GPR141: variants seen among roughly 807,000 people sequenced by gnomAD.
GPR141 encodes the protein G protein-coupled receptor 141.
Under a neutral mutation model 6.8 loss-of-function variants are expected in GPR141, and 6 were observed. The observed-to-expected ratio is 0.88, with a 90% CI of 0.48 to 1.74. GPR141 has a LOEUF of 1.74. Ranked by LOEUF, GPR141 falls within the 40% of genes most tolerant of loss-of-function variation. The pLI is 0.01. For missense variants in GPR141, 372 were observed against 372.9 expected, an observed-to-expected ratio of 1.00 and a Z score of 0.02; for synonymous variants, 140 against 142.3, an observed-to-expected ratio of 0.98 and a Z score of 0.11.
chr7:37,732,348 C>T (rs750483069), intron 2 of GPR141, among the ~76,000 whole-genome samples: 4 of 151,798 alleles, frequency 2.6e-5, no homozygotes, highest in Non-Finnish European at 5.9e-5. Context: ...AGCCCCCTCA[C>T]CTTGAGAGTG....
chr7:37,693,927 A>G (rs1259784280), intron 2 of GPR141, among the ~76,000 whole-genome samples: 1 of 152,144 alleles, frequency 6.6e-6, no homozygotes, highest in Non-Finnish European at 1.5e-5. Context: ...AAAGTTCCCA[A>G]GGGGCAATGA....
chr7:37,704,947 C>T (rs1810458851), intron 2 of GPR141, among the ~76,000 whole-genome samples: 1 of 152,144 alleles, frequency 6.6e-6, no homozygotes, highest in Admixed American at 6.6e-5. Context: ...CCGAGGTCAA[C>T]ACTAACTGAC....
At chr7:37,721,861 A>G (rs766095034) in intron 2 of GPR141, among the ~76,000 whole-genome samples, 3 of 152,208 alleles carry the variant, frequency 2.0e-5, no homozygotes, top group Non-Finnish European at 4.4e-5. Flanking sequence ...TACTTGAAGG[A>G]TATATTTTAT....
intron 2 of GPR141, among the ~76,000 whole-genome samples, chr7:37,695,247 A>G (rs1384729088): frequency 6.6e-6 from 1 of 152,128 alleles, no homozygotes; most frequent in Non-Finnish European, 1.5e-5. Flanking sequence ...AACTTCAGGG[A>G]TGAAGAGGCA....
In GPR141 at chr7:37,740,973, G is replaced by T; in HGVS notation, c.580G>T (p.Val194Leu). Residue 194 changes from valine to leucine, a missense_variant, in exon 3 of 3, where the codon GTG becomes TTG. Val to Leu is a conservative substitution (Grantham distance 32). Coordinates refer to ENST00000334425, the MANE Select transcript of GPR141 (RefSeq NM_001381946.1). ...MIVIFVIAVA[V>L]ILLVFQVFII... ...AGTCATTTTTGTCATAGCCGTTGCT[G>T]TGATTCTGTTGGTCTTCCAGGTCTT... 6.2e-7 allele frequency: 1 copy of T among 1,613,608 alleles called. No homozygotes were observed. The highest frequency in any genetic ancestry group is 8.5e-7 in the Non-Finnish European group (1 of 1,179,530).
At chr7:37,700,146 C>T (rs1375134072) in intron 2 of GPR141, among the ~76,000 whole-genome samples, 2 of 152,202 alleles carry the variant, frequency 1.3e-5, no homozygotes, top group Non-Finnish European at 2.9e-5. Flanking sequence ...TCAATTTTTA[C>T]AAATTATTCA....
intron 2 of GPR141, among the ~76,000 whole-genome samples, chr7:37,716,022 C>T (rs1391124381): frequency 2.6e-5 from 4 of 152,086 alleles, no homozygotes; most frequent in Non-Finnish European, 5.9e-5. Context: ...GTCAAGAATC[C>T]CATCCTTGGA....
At chr7:37,690,162 G>A (rs1809690496) in intron 2 of GPR141, among the ~76,000 whole-genome samples, 1 of 151,990 alleles carries the variant, frequency 6.6e-6, no homozygotes, top group Non-Finnish European at 1.5e-5. Context: ...TGGTCATTCA[G>A]GAGCATGTTT....
intron 2 of GPR141, among the ~76,000 whole-genome samples, chr7:37,686,922 G>T (rs1446685213): frequency 6.6e-6 from 1 of 152,152 alleles, no homozygotes; most frequent in Non-Finnish European, 1.5e-5. Context: ...AGTGGAGAGT[G>T]AAATTTTGTT....
At chr7:37,716,244 G>A (rs573748026) in intron 2 of GPR141, among the ~76,000 whole-genome samples, 10 of 152,294 alleles carry the variant, frequency 6.6e-5, no homozygotes, top group Non-Finnish European at 1.0e-4. Flanking sequence ...TGTCCAGGCT[G>A]CCTATAATTT....
chr7:37,719,657 G>A (rs1035545414), intron 2 of GPR141, among the ~76,000 whole-genome samples: 24 of 152,100 alleles, frequency 1.6e-4, no homozygotes, highest in African/African-American at 5.6e-4. Context: ...CTTAGAGTTC[G>A]CCTTGGCCAT....
chr7:37,708,058 A>G (rs1438365571), intron 2 of GPR141, among the ~76,000 whole-genome samples: 8 of 152,162 alleles, frequency 5.3e-5, no homozygotes, highest in Non-Finnish European at 1.0e-4. Context: ...TGGAGTGTAT[A>G]TGACCTCTAA....
intron 2 of GPR141, among the ~76,000 whole-genome samples, chr7:37,718,375 C>T (rs148984089): frequency 4.6e-5 from 7 of 152,078 alleles, no homozygotes; most frequent in East Asian, 1.9e-4. Flanking sequence ...GGCATGGTGG[C>T]GTGTGCCTGT....
intron 2 of GPR141, among the ~76,000 whole-genome samples, chr7:37,740,172 T>C (rs1478745538): frequency 6.6e-6 from 1 of 152,228 alleles, no homozygotes; most frequent in Non-Finnish European, 1.5e-5. Flanking sequence ...CGATTTTTAT[T>C]CCTATTAAAG....
intron 2 of GPR141, among the ~76,000 whole-genome samples, chr7:37,730,949 G>A (rs1811901216): frequency 6.6e-6 from 1 of 152,074 alleles, no homozygotes; most frequent in Admixed American, 6.5e-5. Context: ...CATTCTTTGT[G>A]GGCATCCAAC....
intron 2 of GPR141, 67 bp from the exon 3 acceptor site, chr7:37,740,313 G>A: frequency 1.1e-6 from 1 of 948,006 alleles, no homozygotes. Flanking sequence ...CATTGTCAGT[G>A]CTGTAAAAGA....
chr7:37,740,979 C>A lies in GPR141; in HGVS notation c.586C>A (p.Leu196Met). The change falls in exon 3 of 3, where the codon CTG becomes ATG. Residue 196 changes from leucine (L) to methionine (M), a missense_variant. Transcript: ENST00000334425. ...TTTTGTCATAGCCGTTGCTGTGATTCTGTTGGTCTTCCAGGTCTTCATCAT... is the reference window on the plus strand; with the variant it reads ...TTTTGTCATAGCCGTTGCTGTGATTATGTTGGTCTTCCAGGTCTTCATCAT... ...VIFVIAVAVI[L>M]LVFQVFIIML... is the part of the protein sequence containing the mutation. 6.2e-7 allele frequency: 1 copy of A among 1,613,834 alleles called. No individual in the cohort carries two copies. Among genetic ancestry groups the A allele is most frequent in the Non-Finnish European group, 8.5e-7 (1 of 1,179,766 alleles).
chr7:37,688,293 A>G (rs908609640), intron 2 of GPR141, among the ~76,000 whole-genome samples: 4 of 151,930 alleles, frequency 2.6e-5, no homozygotes, highest in African/African-American at 9.7e-5. Context: ...TGGCTGGGGC[A>G]TGGTGGTACA....
At chr7:37,691,921 C>A (rs964746137) in intron 2 of GPR141, among the ~76,000 whole-genome samples, 4 of 151,984 alleles carry the variant, frequency 2.6e-5, no homozygotes, top group African/African-American at 9.7e-5. Context: ...TGACTTTATA[C>A]TTTTTATTGC....
Sources: gnomAD v4.1 joint callset for allele counts (sites outside exome capture counted in the v4.1 genomes callset) on GRCh38, gnomAD v4.1.1 for gene constraint, MANE v1.5 for transcripts, NCBI Gene and HGNC (gene_info 2026-07-23, HGNC 2026-07-21) for gene names.